UGT1A10: variants seen among roughly 807,000 people sequenced by gnomAD.
The protein encoded by UGT1A10 is UDP glucuronosyltransferase family 1 member A10.
A neutral mutation model predicts 45.8 loss-of-function variants in UGT1A10; 49 were observed. The ratio of observed to expected loss-of-function variants is 1.07; its 90% CI spans 0.85 to 1.36. The LOEUF (loss-of-function observed/expected upper bound fraction) is 1.36, where lower values mean the gene tolerates loss of function less well. Among genes scored for constraint, UGT1A10 ranks in the 40% most tolerant of loss-of-function variants. The probability of loss-of-function intolerance (pLI) is 0.00; values close to 1 mark genes in which losing one functional copy is unlikely to be tolerated. For missense variants in UGT1A10, 745 were observed against 668.6 expected (o/e 1.11, Z -1.26); for synonymous variants, 284 against 249.7 (o/e 1.14, Z -1.29).
intron 1 of UGT1A10, among the ~76,000 whole-genome samples, chr2:233,686,724 G>T (rs948109683): frequency 1.3e-5 from 2 of 152,120 alleles, no homozygotes; most frequent in Admixed American, 1.3e-4. Context: ...CGGCTATGAA[G>T]GTCAACCTCT....
At chr2:233,743,556 T>A in intron 1 of UGT1A10, 1 of 1,367,030 alleles carries the variant, frequency 7.3e-7, no homozygotes, top group Non-Finnish European at 9.8e-7. Flanking sequence ...CCCAAAATAT[T>A]CTCCAGCGGG....
intron 1 of UGT1A10, chr2:233,729,786 G>A: frequency 6.2e-7 from 1 of 1,613,972 alleles, no homozygotes; most frequent in East Asian, 2.2e-5. Flanking sequence ...CTCTGGCCCT[G>A]TCCTACATTT....
At position 233,767,903 on chromosome 2, in the gene UGT1A10, C is replaced by G. The variant is rs549391527; in HGVS notation, c.1042C>G (p.Leu348Val). 1.2e-6 allele frequency: 2 copies of G among 1,614,060 alleles called. No homozygotes were observed. Among genetic ancestry groups the G allele is most frequent in the African/African-American group, 1.3e-5 (1 of 74,904 alleles). ...RPSNLANNTILVKWLPQNDLL... is the reference protein window; with the variant it reads ...RPSNLANNTIVVKWLPQNDLL... ...ATCGAATCTTGCGAACAACACGATA[C>G]TTGTTAAGTGGCTACCCCAAAACGA... The change falls in exon 3 of 5, where the codon CTT becomes GTT. Residue 348 changes from leucine to valine, a missense_variant. By Grantham distance (32) the Leu-to-Val change is conservative. Coordinates refer to ENST00000344644, the MANE Select transcript of UGT1A10 (RefSeq NM_019075.4).
At chr2:233,652,984 T>C (rs2073775321) in intron 1 of UGT1A10, among the ~76,000 whole-genome samples, 1 of 152,104 alleles carries the variant, frequency 6.6e-6, no homozygotes, top group African/African-American at 2.4e-5. Flanking sequence ...ATAAAACACT[T>C]TTGTGTGTCA....
At chr2:233,701,956 C>T (rs1431436899) in intron 1 of UGT1A10, among the ~76,000 whole-genome samples, 1 of 152,018 alleles carries the variant, frequency 6.6e-6, no homozygotes, top group Non-Finnish European at 1.5e-5. Context: ...AGAGCAAACA[C>T]ATTCAAAAGC....
chr2:233,636,603 G>T lies in UGT1A10; in HGVS notation c.81G>T (p.Lys27Asn), dbSNP rs756639282. ...LLTCGFAEAGKLLVVPMDGSH... is the reference protein window; with the variant it reads ...LLTCGFAEAGNLLVVPMDGSH... ...CCTGTGGCTTTGCCGAGGCAGGGAA[G>T]CTGCTGGTAGTGCCCATGGATGGGA... Residue 27 changes from lysine (K) to asparagine (N), a missense_variant, in exon 1 of 5, where the codon AAG (lysine) becomes AAT (asparagine). Transcript: ENST00000344644. The T allele has an allele frequency of 3.7e-6, 6 of 1,614,062 alleles. No individual in the cohort carries two copies. The highest frequency in any genetic ancestry group is 3.3e-4 in the Middle Eastern group (2 of 6,082).
intron 1 of UGT1A10, among the ~76,000 whole-genome samples, chr2:233,646,079 G>A (rs1339790013): frequency 3.3e-5 from 5 of 152,228 alleles, no homozygotes; most frequent in Non-Finnish European, 5.9e-5. Context: ...TGCACCCACA[G>A]TCTCAACCCC....
intron 1 of UGT1A10, among the ~76,000 whole-genome samples, chr2:233,701,051 A>C (rs2075606914): frequency 6.6e-6 from 1 of 152,170 alleles, no homozygotes; most frequent in African/African-American, 2.4e-5. Context: ...ACATGAACTC[A>C]TAATTTTTTA....
chr2:233,682,412 A>G lies in UGT1A10; in HGVS notation c.855+45035A>G, dbSNP rs981967326. On this transcript the variant is annotated intron_variant, in intron 1 of 4. Coordinates refer to ENST00000344644, the MANE Select transcript of UGT1A10 (RefSeq NM_019075.4). ...TGATGCCTGTGGCTTAATTGTTGCCAAATATTTCTCCCTCCCCTCTGTGGT... is the reference window on the plus strand; with the variant it reads ...TGATGCCTGTGGCTTAATTGTTGCCGAATATTTCTCCCTCCCCTCTGTGGT... 2 of 1,613,870 alleles carry G rather than the reference A, an allele frequency of 1.2e-6. No individual in the cohort carries two copies.
chr2:233,756,383 G>C (rs1251159335), intron 1 of UGT1A10: 1 of 151,718 alleles, frequency 6.6e-6, no homozygotes, highest in Non-Finnish European at 1.5e-5. Flanking sequence ...GTAAATAGTT[G>C]TTTTACAGTA....
At chr2:233,664,183 G>A (rs1490587637) in intron 1 of UGT1A10, among the ~76,000 whole-genome samples, 1 of 152,038 alleles carries the variant, frequency 6.6e-6, no homozygotes, top group African/African-American at 2.4e-5. Flanking sequence ...CATTAGCCTG[G>A]CCCTCACTGC....
chr2:233,762,127 G>T (rs528651361), intron 1 of UGT1A10, among the ~76,000 whole-genome samples: 5 of 152,204 alleles, frequency 3.3e-5, no homozygotes, highest in African/African-American at 1.2e-4. Flanking sequence ...TGAGCCATGT[G>T]GGGACCTGTG....
At chr2:233,649,004 A>T in intron 1 of UGT1A10, 1 of 1,368,084 alleles carries the variant, frequency 7.3e-7, no homozygotes, top group Admixed American at 1.8e-5. Flanking sequence ...ATCAACTGCA[A>T]TCAGGGAAAG....
chr2:233,672,403 G>C (rs2074225648), intron 1 of UGT1A10: 2 of 1,613,862 alleles, frequency 1.2e-6, no homozygotes. Context: ...TGGCTTAATT[G>C]TTGCCAAATA....
intron 1 of UGT1A10, among the ~76,000 whole-genome samples, chr2:233,649,817 TG>T (rs1280096770): frequency 6.6e-6 from 1 of 152,164 alleles, no homozygotes; most frequent in Non-Finnish European, 1.5e-5. Flanking sequence ...GTTACCATGA[TG>T]TTTGGTCTTG....
At chr2:233,748,101 C>T in intron 1 of UGT1A10, 2 of 1,612,622 alleles carry the variant, frequency 1.2e-6, no homozygotes, top group Non-Finnish European at 1.7e-6. Flanking sequence ...TGCCTTCATC[C>T]AATCAATGTT....
intron 1 of UGT1A10, chr2:233,693,775 T>C (rs775225798): frequency 6.2e-7 from 1 of 1,614,262 alleles, no homozygotes; most frequent in South Asian, 1.1e-5. Context: ...TGTTAAGATA[T>C]GACTTTGTGC....
chr2:233,700,798 T>G (rs1387301814), intron 1 of UGT1A10, among the ~76,000 whole-genome samples: 1 of 152,156 alleles, frequency 6.6e-6, no homozygotes, highest in Admixed American at 6.5e-5. Flanking sequence ...TGTATACATG[T>G]GCCATGTTGG....
chr2:233,660,465 G>T (rs2073940636), intron 1 of UGT1A10, among the ~76,000 whole-genome samples: 1 of 152,108 alleles, frequency 6.6e-6, no homozygotes, highest in Admixed American at 6.6e-5. Context: ...TTAGTGGCAA[G>T]GTATTTCTGA....
Sources: gnomAD v4.1 joint callset for allele counts (sites outside exome capture counted in the v4.1 genomes callset) on GRCh38, gnomAD v4.1.1 for gene constraint, MANE v1.5 for transcripts, NCBI Gene and HGNC (gene_info 2026-07-23, HGNC 2026-07-21) for gene names.